Variants in RAD51B observed in about 807,000 individuals in gnomAD.
The protein encoded by RAD51B is RAD51 paralog B.
A neutral mutation model predicts 42.2 loss-of-function variants in RAD51B; 38 were observed. The ratio of observed to expected loss-of-function variants is 0.90; its 90% CI spans 0.70 to 1.18. The LOEUF is 1.18. RAD51B is among the 50% of genes most tolerant of loss of function. RAD51B has a pLI of 0.00. For missense variants in RAD51B, 373 were observed against 400.7 expected, an observed-to-expected ratio of 0.93 and a Z score of 0.59; for synonymous variants, 154 against 145.2, an observed-to-expected ratio of 1.06 and a Z score of -0.43.
At chr14:68,377,288 T>A (rs1180483672) in intron 8 of RAD51B, among the ~76,000 whole-genome samples, 1 of 152,194 alleles carries the variant, frequency 6.6e-6, no homozygotes, top group Non-Finnish European at 1.5e-5. Context: ...GGGTTTGTTG[T>A]AAAGCACCAT....
chr14:68,087,829 ATATT>A lies in RAD51B; in HGVS notation c.756+200628_756+200631del, dbSNP rs1263459193. ...ATTGACTTAAAAATAATATTTTTAA[ATATT>A]TAATTATATAATTATTATATATATA... is the stretch of plus-strand genomic sequence containing the variant. On this transcript the variant is annotated intron_variant, in intron 7 of 10. Coordinates refer to ENST00000471583, the MANE Select transcript of RAD51B (RefSeq NM_133510.4). Among the ~76,000 whole-genome samples the A allele has an allele frequency of 1.3e-4, 17 of 134,278 alleles. 1 individual carries two copies. Among genetic ancestry groups the A allele is most frequent in the African/African-American group, 4.9e-4 (17 of 34,644 alleles). 88.1% of individuals were successfully genotyped at this position (134,278 alleles called of 152,430 possible). A position where few individuals can be genotyped will look rare whatever the true frequency, so the allele number is the denominator to read the frequency against.
chr14:68,468,524 G>A lies in RAD51B; in HGVS notation c.1036+274G>A, dbSNP rs140122890. 8.1e-5 allele frequency: 37 copies of A among 455,212 alleles called. No homozygotes were observed. In the East Asian group the frequency reaches 8.6e-4, roughly 11 times the overall value. 28.2% of individuals were successfully genotyped at this position (455,212 alleles called of 1,614,324 possible). On this transcript the variant is annotated intron_variant, in intron 10 of 10. Transcript: ENST00000471583. ...CATGAGGATCAAACCAAGAAAGCTC[G>A]GAATTGCTACCACCCCATTCCTCTT...
chr14:68,346,704 A>T (rs1161685180), intron 8 of RAD51B, among the ~76,000 whole-genome samples: 1 of 152,180 alleles, frequency 6.6e-6, no homozygotes, highest in East Asian at 1.9e-4. Flanking sequence ...TCTGGGATTT[A>T]TTCCAGACTC....
chr14:68,281,315 G>A (rs746010055), intron 7 of RAD51B, among the ~76,000 whole-genome samples: 20 of 152,102 alleles, frequency 1.3e-4, no homozygotes, highest in Admixed American at 3.3e-4. Flanking sequence ...ATAATTGAAC[G>A]CAATAGAATA....
rs118147054 is a variant in RAD51B, at chr14:68,678,126, G to T, written c.*11+27270G>T. Among the ~76,000 whole-genome samples the T allele has an allele frequency of 5.8e-4, 88 of 152,272 alleles. No individual in the cohort carries two copies. The East Asian group carries it at 0.014, about 25-fold the overall frequency. On this transcript the variant is annotated intron_variant, in intron 11 of 11. Transcript: ENST00000488612. ...TCAGAGATAAAATAACTTGCCCAAG[G>T]TTACATAGCTAATAAATGGCGGGGC...
chr14:68,257,849 T>C (rs2080786108), intron 7 of RAD51B, among the ~76,000 whole-genome samples: 1 of 152,210 alleles, frequency 6.6e-6, no homozygotes, highest in Non-Finnish European at 1.5e-5. Context: ...CCATAACCCA[T>C]GCTTTTAAAA....
At chr14:67,848,297 G>A (rs768853775) in intron 4 of RAD51B, among the ~76,000 whole-genome samples, 7 of 152,250 alleles carry the variant, frequency 4.6e-5, no homozygotes, top group East Asian at 1.9e-4. Context: ...GATTACAGGC[G>A]TGAGCCACCA....
chr14:68,506,829 A>G (rs757369), intron 10 of RAD51B, among the ~76,000 whole-genome samples: 83,062 of 151,992 alleles, frequency 0.55, 22,772 homozygotes, highest in African/African-American at 0.57. Context: ...ATGTGTGCAC[A>G]CATGGTAGGC....
rs1366912898 is a variant in RAD51B at position 68,519,110 on chromosome 14, C to G, written c.1036+50860C>G. Among the ~76,000 whole-genome samples the G allele has an allele frequency of 4.4e-4, 67 of 152,142 alleles. 1 individual carries two copies. The highest frequency in any genetic ancestry group is 4.3e-3 in the Admixed American group (66 of 15,278). On this transcript the variant is annotated intron_variant, in intron 10 of 10. Transcript: ENST00000487270. ...TTGACCAAGGTGGGAATATTTATACCACAGAAATCAGCAAGCTACAAACCA... is the reference window on the plus strand; with the variant it reads ...TTGACCAAGGTGGGAATATTTATACGACAGAAATCAGCAAGCTACAAACCA...
chr14:68,665,074 T>TGCCCTG (rs1424029424), intron 11 of RAD51B, among the ~76,000 whole-genome samples: 1 of 152,234 alleles, frequency 6.6e-6, no homozygotes, highest in Non-Finnish European at 1.5e-5. Context: ...TTTCACATAC[T>TGCCCTG]CCCATGTGAC....
chr14:68,273,629 T>C (rs1427338930), intron 7 of RAD51B, among the ~76,000 whole-genome samples: 5 of 152,262 alleles, frequency 3.3e-5, no homozygotes, highest in African/African-American at 1.2e-4. Context: ...ACCACTTGAG[T>C]GGGCACACAG....
intron 10 of RAD51B, among the ~76,000 whole-genome samples, chr14:68,607,138 C>T (rs17756518): frequency 0.029 from 4,418 of 152,260 alleles, 112 homozygotes; most frequent in Admixed American, 0.084. Context: ...GTCATGCGGG[C>T]GGGCCACTGA....
intron 7 of RAD51B, among the ~76,000 whole-genome samples, chr14:68,055,714 T>C (rs1207838423): frequency 6.6e-6 from 1 of 152,220 alleles, no homozygotes; most frequent in African/African-American, 2.4e-5. Context: ...TATAGGTTAA[T>C]GAAACACGCA....
intron 11 of RAD51B, among the ~76,000 whole-genome samples, chr14:68,670,714 G>A (rs988039627): frequency 2.0e-5 from 3 of 152,192 alleles, no homozygotes; most frequent in African/African-American, 7.2e-5. Flanking sequence ...ATCTTCCACT[G>A]GAGTGCTTCA....
intron 7 of RAD51B, among the ~76,000 whole-genome samples, chr14:68,190,373 A>G (rs571697431): frequency 2.0e-5 from 3 of 152,332 alleles, no homozygotes; most frequent in African/African-American, 7.2e-5. Context: ...TTTGAAAAGT[A>G]TATATGGAAA....
intron 7 of RAD51B, among the ~76,000 whole-genome samples, chr14:67,909,615 T>C (rs1244290279): frequency 6.6e-6 from 1 of 152,176 alleles, no homozygotes; most frequent in African/African-American, 2.4e-5. Flanking sequence ...TAAAATGCTG[T>C]GTAGTCACTA....
At chr14:67,829,248 C>CTT (rs530340727) in intron 3 of RAD51B, among the ~76,000 whole-genome samples, 17 of 144,866 alleles carry the variant, frequency 1.2e-4, no homozygotes, top group South Asian at 4.4e-4. Context: ...TTCTTTCTTT[C>CTT]TTTTTTTTTT....
intron 5 of RAD51B, among the ~76,000 whole-genome samples, chr14:67,873,404 G>A (rs914463699): frequency 5.9e-5 from 9 of 151,918 alleles, no homozygotes; most frequent in Admixed American, 1.3e-4. Context: ...TCTCACACCA[G>A]TTAGAATGGC....
intron 8 of RAD51B, among the ~76,000 whole-genome samples, chr14:68,350,929 C>A (rs908551522): frequency 5.3e-5 from 8 of 152,226 alleles, no homozygotes; most frequent in Admixed American, 1.3e-4. Flanking sequence ...TGGCACCAGG[C>A]AATAGTGTGA....
Sources: allele counts gnomAD v4.1 joint callset (sites outside exome capture counted in the v4.1 genomes callset), GRCh38; gene constraint gnomAD v4.1.1; transcripts MANE v1.5; gene names NCBI Gene and HGNC (gene_info 2026-07-23, HGNC 2026-07-21).